Variants in PAPPA2 observed in about 807,000 individuals in gnomAD.
PAPPA2 encodes pappalysin 2, also known as pappalysin-2.
PAPPA2 carries 86 observed loss-of-function variants against 176.4 expected under a neutral mutation model. That is an observed-to-expected ratio of 0.49 (90% CI 0.41 to 0.58). PAPPA2 has a LOEUF of 0.58. Among genes scored for constraint, PAPPA2 ranks in the 20% least tolerant of loss-of-function variants. The pLI is 0.00. For missense variants in PAPPA2, 2,073 were observed against 2,256.9 expected, an observed-to-expected ratio of 0.92 and a Z score of 1.65; for synonymous variants, 809 against 852.2, an observed-to-expected ratio of 0.95 and a Z score of 0.88.
chr1:176,720,309 TTG>T (rs1249059138), intron 12 of PAPPA2, among the ~76,000 whole-genome samples: 1 of 152,194 alleles, frequency 6.6e-6, no homozygotes, highest in Admixed American at 6.5e-5. Flanking sequence ...TATTTGTGTA[TTG>T]TGTCTTCTTT....
In PAPPA2 at chr1:176,516,814, A is replaced by G. The variant is rs143834507; in HGVS notation, c.-916-38593A>G. On this transcript the variant is annotated intron_variant, in intron 1 of 22. Coordinates refer to ENST00000367662, the MANE Select transcript of PAPPA2 (RefSeq NM_020318.3). ...TGGACCAGTGGGAATGCACTAAGAC[A>G]GTGGCCATGTGTCTATCTCTGGAAA... 1.8e-3 allele frequency among the ~76,000 whole-genome samples: 278 copies of G among 152,328 alleles called. 1 individual carries two copies. Among genetic ancestry groups the G allele is most frequent in the African/African-American group, 6.5e-3 (270 of 41,584 alleles).
At chr1:176,758,687 T>C (rs1327247676) in intron 14 of PAPPA2, among the ~76,000 whole-genome samples, 1 of 152,206 alleles carries the variant, frequency 6.6e-6, no homozygotes, top group Non-Finnish European at 1.5e-5. Flanking sequence ...TAGTCAAGGG[T>C]GGCACTTCTT....
intron 1 of PAPPA2, among the ~76,000 whole-genome samples, chr1:176,517,451 G>T (rs956155885): frequency 6.6e-6 from 1 of 152,116 alleles, no homozygotes; most frequent in African/African-American, 2.4e-5. Context: ...CATTTCAAGT[G>T]GGGGAGAGAA....
intron 2 of PAPPA2, among the ~76,000 whole-genome samples, chr1:176,561,659 T>G (rs769324530): frequency 6.6e-6 from 1 of 152,172 alleles, no homozygotes; most frequent in Non-Finnish European, 1.5e-5. Flanking sequence ...TGGACAACAG[T>G]GCTAAAGTTT....
At chr1:176,560,032 T>C (rs991735645) in intron 2 of PAPPA2, among the ~76,000 whole-genome samples, 1 of 152,006 alleles carries the variant, frequency 6.6e-6, no homozygotes, top group Admixed American at 6.6e-5. Context: ...CACAGGAGAG[T>C]AGGCAGCCAC....
chr1:176,752,846 G>A (rs961280081), intron 14 of PAPPA2, among the ~76,000 whole-genome samples: 2 of 152,202 alleles, frequency 1.3e-5, no homozygotes, highest in African/African-American at 4.8e-5. Context: ...ATGGGACTGT[G>A]TGCTAGTGAC....
At chr1:176,721,742 T>C (rs1434146915) in intron 12 of PAPPA2, among the ~76,000 whole-genome samples, 1 of 152,186 alleles carries the variant, frequency 6.6e-6, no homozygotes. Flanking sequence ...TTCCAAGGCC[T>C]ACCTGTCTTT....
At chr1:176,695,462 G>A (rs1334765529) in intron 6 of PAPPA2, among the ~76,000 whole-genome samples, 1 of 152,092 alleles carries the variant, frequency 6.6e-6, no homozygotes, top group African/African-American at 2.4e-5. Context: ...CTGTTCCTAG[G>A]ACAGAAAATG....
At chr1:176,666,608 T>TGAGAGA (rs55742086) in intron 3 of PAPPA2, among the ~76,000 whole-genome samples, 55 of 101,334 alleles carry the variant, frequency 5.4e-4, no homozygotes, top group African/African-American at 1.0e-3. Flanking sequence ...TGTGTGTGTG[T>TGAGAGA]GAGAGAGAGA....
intron 3 of PAPPA2, among the ~76,000 whole-genome samples, chr1:176,623,724 T>C (rs1186863237): frequency 3.4e-5 from 4 of 118,842 alleles, no homozygotes; most frequent in Non-Finnish European, 6.9e-5. Flanking sequence ...CTTTCTTTCT[T>C]TCTCTTTCTT....
Position 176,706,450 on chromosome 1 carries a change from GGTAA to G in PAPPA2, c.3457+3_3457+6del. ...GCTGGAGGAAGGTTTCAACTGTGTA[GGTAA>G]GTTCAAGAGTTTCAGTCTAAGATTG... On this transcript the variant is annotated splice_donor_variant and splice_donor_region_variant and intron_variant, in intron 10 of 22. Coordinates refer to ENST00000367662, the MANE Select transcript of PAPPA2 (RefSeq NM_020318.3). LOFTEE classifies it high-confidence loss of function. 3 of 1,612,964 alleles carry G rather than the reference GGTAA, an allele frequency of 1.9e-6. No individual in the cohort carries two copies. Among genetic ancestry groups the G allele is most frequent in the Non-Finnish European group, 2.5e-6 (3 of 1,179,240 alleles).
chr1:176,592,861 A>T (rs1653746446), intron 2 of PAPPA2, among the ~76,000 whole-genome samples: 1 of 152,216 alleles, frequency 6.6e-6, no homozygotes, highest in Admixed American at 6.5e-5. Context: ...AAATAAGTGG[A>T]CCAGGAGAAA....
chr1:176,622,614 T>C (rs761158485), intron 3 of PAPPA2, among the ~76,000 whole-genome samples: 1 of 152,148 alleles, frequency 6.6e-6, no homozygotes, highest in Non-Finnish European at 1.5e-5. Flanking sequence ...AACTTAATAA[T>C]GGTAAGCCAT....
In PAPPA2 at chr1:176,816,395, A is replaced by G. The variant is rs1666405222; in HGVS notation, c.5202+16263A>G. The stretch of plus-strand genomic sequence containing the variant: ...TCATCACGCACACACACACACACAC[A>G]CACACACGCATACACACTCCTGCAC... On this transcript the variant is annotated intron_variant, in intron 21 of 22. Transcript: ENST00000367662. 2.0e-5 allele frequency among the ~76,000 whole-genome samples: 3 copies of G among 150,534 alleles called. No homozygotes were observed. The South Asian group carries it at 6.3e-4, about 32-fold the overall frequency.
At chr1:176,641,898 G>A (rs893360900) in intron 3 of PAPPA2, among the ~76,000 whole-genome samples, 2 of 151,872 alleles carry the variant, frequency 1.3e-5, no homozygotes, top group Non-Finnish European at 2.9e-5. Flanking sequence ...AAGTCAAGGA[G>A]GTCTAGGTTA....
chr1:176,538,275 C>T (rs1650178707), intron 1 of PAPPA2, among the ~76,000 whole-genome samples: 1 of 152,184 alleles, frequency 6.6e-6, no homozygotes, highest in African/African-American at 2.4e-5. Context: ...ATGTCTTGAG[C>T]ATGTGTTAGG....
intron 3 of PAPPA2, among the ~76,000 whole-genome samples, chr1:176,644,954 A>G (rs1185973660): frequency 6.6e-6 from 1 of 151,960 alleles, no homozygotes; most frequent in Non-Finnish European, 1.5e-5. Flanking sequence ...ATTTAATTTC[A>G]AAAGTTTTAC....
intron 4 of PAPPA2, among the ~76,000 whole-genome samples, chr1:176,680,110 A>G (rs1410222263): frequency 2.0e-5 from 3 of 152,226 alleles, no homozygotes; most frequent in African/African-American, 7.2e-5. Flanking sequence ...AAAAATCAAA[A>G]GGATAAACAT....
intron 2 of PAPPA2, among the ~76,000 whole-genome samples, chr1:176,592,453 C>T (rs1047203590): frequency 1.3e-5 from 2 of 152,026 alleles, no homozygotes; most frequent in Admixed American, 6.6e-5. Context: ...CAGAGTGGTC[C>T]ATCTTCTATT....
Sources: gnomAD v4.1 joint callset for allele counts (sites outside exome capture counted in the v4.1 genomes callset) on GRCh38, gnomAD v4.1.1 for gene constraint, MANE v1.5 for transcripts, NCBI Gene and HGNC (gene_info 2026-07-23, HGNC 2026-07-21) for gene names.